RASA1: variants seen among roughly 807,000 people sequenced by gnomAD.
The protein encoded by RASA1 is RAS p21 protein activator 1, also known as ras GTPase-activating protein 1.
A neutral mutation model predicts 132.2 loss-of-function variants in RASA1; 25 were observed. The observed-to-expected ratio is 0.19, with a 90% CI of 0.14 to 0.26. RASA1 has a LOEUF of 0.26. Ranked by LOEUF, RASA1 falls within the 10% of genes least tolerant of loss-of-function variation. The pLI is 1.00. For synonymous variants in RASA1, 477 were observed against 449.9 expected, an observed-to-expected ratio of 1.06 and a Z score of -0.76; for missense variants, 964 against 1,299.2, an observed-to-expected ratio of 0.74 and a Z score of 3.97.
chr5:87,385,520 G>C, intron 22 of RASA1, 131 bp downstream of exon 22: 1 of 728,792 alleles, frequency 1.4e-6, no homozygotes. Flanking sequence ...TTGTTGGTAT[G>C]TTTGTTTTTA....
chr5:87,300,028 T>A (rs1755291229), intron 1 of RASA1, among the ~76,000 whole-genome samples: 1 of 152,158 alleles, frequency 6.6e-6, no homozygotes, highest in African/African-American at 2.4e-5. Context: ...GGTGAAGGGA[T>A]GACCAATAAA....
intron 1 of RASA1, among the ~76,000 whole-genome samples, chr5:87,320,634 T>C (rs1756722205): frequency 6.6e-6 from 1 of 152,102 alleles, no homozygotes; most frequent in Admixed American, 6.6e-5. Flanking sequence ...AAGGGGAAAT[T>C]TGCCTTCATG....
At chr5:87,346,042 A>T (rs952465369) in intron 6 of RASA1, among the ~76,000 whole-genome samples, 3 of 152,132 alleles carry the variant, frequency 2.0e-5, no homozygotes, top group African/African-American at 7.2e-5. Context: ...CTTGACTATG[A>T]TGCCTTTTAT....
chr5:87,385,831 C>T (rs902887475), intron 22 of RASA1, among the ~76,000 whole-genome samples: 7 of 151,976 alleles, frequency 4.6e-5, no homozygotes, highest in African/African-American at 1.2e-4. Flanking sequence ...TCACCTAATA[C>T]GTGACAGACT....
At chr5:87,341,366 G>A in intron 6 of RASA1, 45 bp downstream of exon 6, 1 of 1,229,842 alleles carries the variant, frequency 8.1e-7, no homozygotes, top group Non-Finnish European at 1.1e-6. Context: ...AATCTATATT[G>A]TAAATTTACT....
intron 19 of RASA1, 47 bp from the exon 20 acceptor site, chr5:87,380,462 T>C: frequency 6.7e-7 from 1 of 1,486,442 alleles, no homozygotes; most frequent in Non-Finnish European, 9.4e-7. Flanking sequence ...AGGAGATCAG[T>C]GTTTTCACTT....
intron 9 of RASA1, among the ~76,000 whole-genome samples, chr5:87,361,810 A>C (rs1213691719): frequency 6.6e-6 from 1 of 152,196 alleles, no homozygotes; most frequent in Admixed American, 6.5e-5. Context: ...ACATTAAGAA[A>C]GAACCTAATA....
intron 11 of RASA1, among the ~76,000 whole-genome samples, chr5:87,367,330 C>G (rs1410033369): frequency 6.6e-6 from 1 of 152,128 alleles, no homozygotes; most frequent in Non-Finnish European, 1.5e-5. Flanking sequence ...TCTTTATTAT[C>G]AAATTAATGC....
At chr5:87,365,493 T>C (rs1454262893) in intron 11 of RASA1, among the ~76,000 whole-genome samples, 2 of 152,156 alleles carry the variant, frequency 1.3e-5, no homozygotes, top group African/African-American at 4.8e-5. Flanking sequence ...TCATTTTGTT[T>C]CTTACCTTTT....
intron 20 of RASA1, among the ~76,000 whole-genome samples, chr5:87,380,882 C>T (rs1004650376): frequency 6.6e-6 from 1 of 152,116 alleles, no homozygotes; most frequent in Non-Finnish European, 1.5e-5. Flanking sequence ...CTGTAGCTAA[C>T]TTCATATAGT....
chr5:87,285,002 A>C (rs1561254638), intron 1 of RASA1, among the ~76,000 whole-genome samples: 1 of 151,876 alleles, frequency 6.6e-6, no homozygotes, highest in Non-Finnish European at 1.5e-5. Flanking sequence ...GAAATCATAC[A>C]ACTTTTAAAG....
In RASA1 at chr5:87,338,105, T is replaced by A. The variant is rs748742437; in HGVS notation, c.1017+14T>A. On this transcript the variant is annotated intron_variant, in intron 5 of 24. Transcript: ENST00000274376. Reference sequence around the variant, plus strand: ...GTAGAAGAGGTGGTAAGTTTTGTTCTTTTCTTCTCAATTCTAGATTCTAAA... The same window carrying A: ...GTAGAAGAGGTGGTAAGTTTTGTTCATTTCTTCTCAATTCTAGATTCTAAA... The A allele has an allele frequency of 6.2e-7, 1 of 1,611,600 alleles. No individual in the cohort carries two copies. The highest frequency in any genetic ancestry group is 1.1e-5 in the South Asian group (1 of 90,640).
At chr5:87,317,493 A>G (rs1756428078) in intron 1 of RASA1, among the ~76,000 whole-genome samples, 1 of 151,910 alleles carries the variant, frequency 6.6e-6, no homozygotes, top group African/African-American at 2.4e-5. Context: ...AATTTTCTCT[A>G]CTTTTTACTG....
At chr5:87,360,983 T>C (rs1056109497) in intron 9 of RASA1, among the ~76,000 whole-genome samples, 8 of 152,212 alleles carry the variant, frequency 5.3e-5, no homozygotes, top group African/African-American at 1.9e-4. Flanking sequence ...TTTTATGTTT[T>C]TACAAAAGAT....
At chr5:87,280,719 A>G (rs190972337) in intron 1 of RASA1, among the ~76,000 whole-genome samples, 2 of 152,126 alleles carry the variant, frequency 1.3e-5, no homozygotes, top group East Asian at 1.9e-4. Context: ...TTGAGTTTCA[A>G]GAGGTTCAAC....
At chr5:87,352,728 A>AAATGTGATAAT (rs1296998510) in intron 8 of RASA1, among the ~76,000 whole-genome samples, 4 of 151,790 alleles carry the variant, frequency 2.6e-5, no homozygotes, top group African/African-American at 9.7e-5. Flanking sequence ...CAGTATGTGT[A>AAATGTGATAAT]AATGTGATAA....
Position 87,268,741 on chromosome 5 carries a change from G to A in RASA1, c.290G>A (p.Gly97Asp). The A allele has an allele frequency of 2.5e-6, 4 of 1,613,368 alleles. No homozygotes were observed. Among genetic ancestry groups the A allele is most frequent in the Non-Finnish European group, 3.4e-6 (4 of 1,179,668 alleles). Residue 97 changes from glycine (G) to aspartate (D), a missense_variant, in exon 1 of 25, where the codon GGT becomes GAT. By Grantham distance (94) the Gly-to-Asp change is moderately conservative (BLOSUM62 -1). Around this residue, in one of 6 missense-constraint regions of RASA1, gnomAD observed 326 missense variants for 275.8 expected, o/e 1.18. Transcript: ENST00000274376. ...GGAGGTACTGCTGCTGGCGTAGCTG[G>A]TGCTGCTGCTGGCGTGGCCGGTGCT... ...TGGGTAAGVA[G>D]AAAGVAGAAV...
Position 87,332,584 on chromosome 5 carries a change from G to A in RASA1, c.770G>A (p.Ser257Asn). 6.2e-7 allele frequency: 1 copy of A among 1,610,256 alleles called. No homozygotes were observed. The highest frequency in any genetic ancestry group is 8.5e-7 in the Non-Finnish European group (1 of 1,176,946). ...CTGTCAGACCTAATAGGTTATTACA[G>A]TCATGTTTCTTGTTTGCTTAAAGGA... ...SSLSDLIGYY[S>N]HVSCLLKGEK... is the part of the protein sequence containing the mutation. Residue 257 changes from serine (S) to asparagine (N), a missense_variant, in exon 3 of 25, where the codon AGT becomes AAT. Transcript: ENST00000274376.
intron 4 of RASA1, among the ~76,000 whole-genome samples, chr5:87,335,419 GTTTTT>G (rs34986349): frequency 4.1e-5 from 3 of 72,888 alleles, no homozygotes; most frequent in African/African-American, 1.1e-4. Context: ...AAAGAATGAG[GTTTTT>G]TTTTTTTTTT....
Sources: gnomAD v4.1 joint callset for allele counts (sites outside exome capture counted in the v4.1 genomes callset) on GRCh38, gnomAD v4.1.1 for gene constraint, gnomAD v4.1.1 regional missense constraint, MANE v1.5 for transcripts, NCBI Gene and HGNC (gene_info 2026-07-23, HGNC 2026-07-21) for gene names.